PDE7B: variants seen among roughly 807,000 people sequenced by gnomAD.
PDE7B encodes phosphodiesterase 7B, also known as 3',5'-cyclic-AMP phosphodiesterase 7B.
In PDE7B, 29 loss-of-function variants were observed where a neutral mutation model predicts 56.2. The ratio of observed to expected loss-of-function variants is 0.52; its 90% CI spans 0.38 to 0.70. The LOEUF is 0.70. Ranked by LOEUF, PDE7B falls within the 30% of genes least tolerant of loss-of-function variation. PDE7B has a pLI of 0.00. For synonymous variants in PDE7B, 197 were observed against 196.9 expected (o/e 1.00, Z 0.00); for missense variants, 490 against 565.0 (o/e 0.87, Z 1.35).
intron 2 of PDE7B, among the ~76,000 whole-genome samples, chr6:135,999,861 C>T (rs1475978137): frequency 1.3e-5 from 2 of 152,186 alleles, no homozygotes; most frequent in Non-Finnish European, 2.9e-5. Flanking sequence ...AAAGGCTGAA[C>T]TAATTTACAT....
chr6:135,906,829 T>TTTTTTTTTTTTTTTTTTTTTG (rs1562434158), intron 1 of PDE7B, among the ~76,000 whole-genome samples: 3 of 142,604 alleles, frequency 2.1e-5, no homozygotes, highest in African/African-American at 8.5e-5. Flanking sequence ...TTTTTTTTTT[T>TTTTTTTTTTTTTTTTTTTTTG]TTTTTTTAAT....
At chr6:135,893,947 G>A (rs896547876) in intron 1 of PDE7B, among the ~76,000 whole-genome samples, 1 of 152,072 alleles carries the variant, frequency 6.6e-6, no homozygotes, top group Non-Finnish European at 1.5e-5. Context: ...GTCACCAAAA[G>A]CATTTATTCC....
intron 2 of PDE7B, among the ~76,000 whole-genome samples, chr6:136,081,817 T>G (rs755980355): frequency 4.6e-5 from 7 of 152,252 alleles, no homozygotes; most frequent in Non-Finnish European, 8.8e-5. Context: ...AACTTCTTCA[T>G]TAGTCCATAT....
At chr6:135,935,837 A>G (rs747437517) in intron 1 of PDE7B, among the ~76,000 whole-genome samples, 6 of 152,230 alleles carry the variant, frequency 3.9e-5, no homozygotes, top group Non-Finnish European at 8.8e-5. Flanking sequence ...GATTGCCAGT[A>G]GAATTTAAGG....
At chr6:136,108,986 G>C (rs1365819214) in intron 3 of PDE7B, among the ~76,000 whole-genome samples, 172 bp downstream of exon 3, 2 of 152,158 alleles carry the variant, frequency 1.3e-5, no homozygotes, top group African/African-American at 4.8e-5. Context: ...CACAAGTGAA[G>C]TAATTCTGGC....
At chr6:136,066,842 T>C (rs1169939871) in intron 2 of PDE7B, among the ~76,000 whole-genome samples, 6 of 150,770 alleles carry the variant, frequency 4.0e-5, no homozygotes, top group Non-Finnish European at 8.8e-5. Context: ...TTCCTTTGGA[T>C]AACCATAACC....
chr6:135,910,443 C>T (rs1776192580), intron 1 of PDE7B, among the ~76,000 whole-genome samples: 1 of 152,114 alleles, frequency 6.6e-6, no homozygotes, highest in South Asian at 2.1e-4. Context: ...TTCTTTTTTA[C>T]AGAAGTTTTA....
Position 136,193,264 on chromosome 6 carries a change from TTTGG to T in PDE7B, c.*1430_*1433del, listed in dbSNP as rs1779258849. ...CTATAGTACCAAAGTACTTTTGGTG[TTTGG>T]TTGGTGTGCATTTCTTTAGTGTCGA... On this transcript the variant is annotated 3_prime_UTR_variant, in exon 13 of 13. Transcript: ENST00000308191. 2 of 152,656 alleles carry T rather than the reference TTTGG, an allele frequency of 1.3e-5. No individual in the cohort carries two copies. The highest frequency in any genetic ancestry group is 4.8e-5 in the African/African-American group (2 of 41,470). 9.5% of individuals were successfully genotyped at this position (152,656 alleles called of 1,614,324 possible).
chr6:135,884,117 C>A (rs7774841), intron 1 of PDE7B, among the ~76,000 whole-genome samples: 44,572 of 152,144 alleles, frequency 0.29, 7,772 homozygotes, highest in East Asian at 0.45. Flanking sequence ...TCCCACACAT[C>A]TGCAGAGTTT....
At chr6:135,944,590 C>A (rs1230903170) in intron 1 of PDE7B, among the ~76,000 whole-genome samples, 1 of 152,158 alleles carries the variant, frequency 6.6e-6, no homozygotes, top group Admixed American at 6.5e-5. Flanking sequence ...GGAAGGGCCA[C>A]CACACCTGTT....
At chr6:136,018,847 C>T (rs1032424558) in intron 2 of PDE7B, among the ~76,000 whole-genome samples, 44 of 151,920 alleles carry the variant, frequency 2.9e-4, no homozygotes, top group African/African-American at 9.4e-4. Flanking sequence ...TTTCAAGAAA[C>T]TTTGGTGATC....
At chr6:135,944,865 A>G (rs1385361000) in intron 1 of PDE7B, among the ~76,000 whole-genome samples, 1 of 152,166 alleles carries the variant, frequency 6.6e-6, no homozygotes, top group East Asian at 1.9e-4. Context: ...CCCTGCAAGG[A>G]AAGTAGAAAA....
intron 1 of PDE7B, among the ~76,000 whole-genome samples, chr6:135,893,115 C>T (rs1030903642): frequency 6.6e-6 from 1 of 151,902 alleles, no homozygotes; most frequent in Non-Finnish European, 1.5e-5. Context: ...ATGTGCACAA[C>T]GTGCAGGTTT....
chr6:135,887,850 T>C (rs935548954), intron 1 of PDE7B, among the ~76,000 whole-genome samples: 9 of 152,160 alleles, frequency 5.9e-5, no homozygotes, highest in Non-Finnish European at 2.9e-5. Flanking sequence ...GAATGAATTC[T>C]CATTGTTTCT....
chr6:135,992,353 A>C (rs911627091), intron 2 of PDE7B, among the ~76,000 whole-genome samples: 1 of 152,224 alleles, frequency 6.6e-6, no homozygotes, highest in Non-Finnish European at 1.5e-5. Flanking sequence ...TATTTTCACC[A>C]TAGCAGTCTC....
intron 2 of PDE7B, among the ~76,000 whole-genome samples, chr6:136,088,307 G>C (rs190424414): frequency 3.7e-4 from 57 of 152,254 alleles, no homozygotes; most frequent in Admixed American, 3.3e-3. Flanking sequence ...GCCCCACAAG[G>C]GGGGAGTGGA....
At chr6:135,970,108 G>T (rs561174971) in intron 2 of PDE7B, among the ~76,000 whole-genome samples, 6 of 152,030 alleles carry the variant, frequency 3.9e-5, no homozygotes, top group African/African-American at 1.5e-4. Flanking sequence ...CTTTACCTGC[G>T]TGGAAATAGC....
chr6:135,980,114 C>T (rs201391005), intron 2 of PDE7B, among the ~76,000 whole-genome samples: 1 of 150,334 alleles, frequency 6.7e-6, no homozygotes, highest in African/African-American at 2.5e-5. Context: ...TGGAACAGAA[C>T]AGAGCCCTCA....
intron 4 of PDE7B, among the ~76,000 whole-genome samples, chr6:136,148,470 A>AAGGCAGGCAGGC (rs71006787): frequency 0.077 from 9,983 of 130,168 alleles, 1,477 homozygotes; most frequent in African/African-American, 0.28. Context: ...GGAAGGAAGG[A>AAGGCAGGCAGGC]AGGCAGGCAG....
Sources: allele counts gnomAD v4.1 joint callset (sites outside exome capture counted in the v4.1 genomes callset), GRCh38; gene constraint gnomAD v4.1.1; transcripts MANE v1.5; gene names NCBI Gene and HGNC (gene_info 2026-07-23, HGNC 2026-07-21).